Variants in SECISBP2 observed in about 807,000 individuals in gnomAD.
The protein encoded by SECISBP2 is SECIS binding protein 2, also known as selenocysteine insertion sequence-binding protein 2.
SECISBP2 carries 96 observed loss-of-function variants against 98.2 expected under a neutral mutation model. The observed-to-expected ratio is 0.98, with a 90% CI of 0.83 to 1.16. The LOEUF is 1.16. Among genes scored for constraint, SECISBP2 ranks in the 50% most tolerant of loss-of-function variants. The pLI is 0.00. For missense variants in SECISBP2, 1,046 were observed against 1,022.9 expected (o/e 1.02, Z -0.31); for synonymous variants, 407 against 370.2 (o/e 1.10, Z -1.14).
intron 6 of SECISBP2, 52 bp downstream of exon 6, chr9:89,333,038 G>T: frequency 1.3e-6 from 2 of 1,514,638 alleles, no homozygotes; most frequent in Admixed American, 1.7e-5. Context: ...GATTTTTTAA[G>T]TTCATTTTTA....
At chr9:89,337,926 A>C (rs1829034364) in intron 7 of SECISBP2, among the ~76,000 whole-genome samples, 1 of 152,268 alleles carries the variant, frequency 6.6e-6, no homozygotes, top group African/African-American at 2.4e-5. Flanking sequence ...AAGGGGCTTC[A>C]GTGCAAAGGC....
chr9:89,364,151 G>A (rs1270462424), downstream of SECISBP2: 3 of 1,076,276 alleles, frequency 2.8e-6, no homozygotes, highest in Middle Eastern at 3.0e-4. Context: ...CCGTCCTGTG[G>A]ACTTCCTGCT....
intron 14 of SECISBP2, chr9:89,356,428 A>G (rs1832083820): frequency 6.6e-6 from 1 of 152,262 alleles, no homozygotes; most frequent in African/African-American, 2.4e-5. Context: ...ATGCAGGAGC[A>G]TAGGTGCCTT....
intron 13 of SECISBP2, 69 bp from the exon 14 acceptor site, chr9:89,350,563 G>GC: frequency 7.3e-7 from 1 of 1,362,992 alleles, no homozygotes; most frequent in Non-Finnish European, 1.1e-6. Context: ...TCTCCCTGGG[G>GC]TGGGATGGGA....
At chr9:89,320,709 T>A (rs1421601543) in intron 2 of SECISBP2, among the ~76,000 whole-genome samples, 1 of 152,226 alleles carries the variant, frequency 6.6e-6, no homozygotes, top group Non-Finnish European at 1.5e-5. Flanking sequence ...TACATTTTCT[T>A]TTTCCTTCTC....
chr9:89,339,754 A>T (rs561074519), intron 8 of SECISBP2, 110 bp from the exon 9 acceptor site: 24 of 775,282 alleles, frequency 3.1e-5, no homozygotes, highest in East Asian at 8.0e-5. Context: ...TTTTTTTTTT[A>T]AATCACTTTT....
chr9:89,364,343 C>G, downstream of SECISBP2: 1 of 314,284 alleles, frequency 3.2e-6, no homozygotes, highest in South Asian at 3.0e-5. Flanking sequence ...AGAGACATCC[C>G]AAGGCTCTGC....
chr9:89,350,127 G>A (rs1831055054), intron 13 of SECISBP2, among the ~76,000 whole-genome samples, 198 bp downstream of exon 13: 2 of 152,186 alleles, frequency 1.3e-5, no homozygotes, highest in South Asian at 4.1e-4. Context: ...TTCTACTGAG[G>A]TTCTTGTATT....
downstream of SECISBP2, chr9:89,362,541 C>A: frequency 6.3e-7 from 1 of 1,578,998 alleles, no homozygotes. Flanking sequence ...GGCCTCAGCC[C>A]CCTGTTGTGG....
At chr9:89,327,155 C>T (rs1419069140) in intron 4 of SECISBP2, among the ~76,000 whole-genome samples, 1 of 150,796 alleles carries the variant, frequency 6.6e-6, no homozygotes, top group African/African-American at 2.4e-5. Context: ...CAGAGCGAGA[C>T]TCCGTCTCCA....
chr9:89,342,885 G>A (rs1231449627), intron 10 of SECISBP2, among the ~76,000 whole-genome samples: 2 of 152,192 alleles, frequency 1.3e-5, no homozygotes, highest in Non-Finnish European at 2.9e-5. Flanking sequence ...CAGCTGAATT[G>A]TGCACTTAAA....
In SECISBP2 at chr9:89,350,750, C is replaced by A; in HGVS notation, c.2011C>A (p.Arg671Ser). 6.2e-7 allele frequency: 1 copy of A among 1,614,224 alleles called. No individual in the cohort carries two copies. Among genetic ancestry groups the A allele is most frequent in the South Asian group, 1.1e-5 (1 of 91,084 alleles). Residue 671 changes from arginine (R) to serine (S), a missense_variant, in exon 14 of 17, where the codon CGT becomes AGT. Coordinates refer to ENST00000375807, the MANE Select transcript of SECISBP2 (RefSeq NM_024077.5). ...QKDPVKAKTK[R>S]RLVLGLREVL... ...AGATCCAGTCAAGGCCAAGACTAAACGTCGACTTGTGTTGGGGTTGAGGGA... is the reference window on the plus strand; with the variant it reads ...AGATCCAGTCAAGGCCAAGACTAAAAGTCGACTTGTGTTGGGGTTGAGGGA...
rs150281982 is a variant in SECISBP2, at chr9:89,319,714, A to G, written c.99A>G (p.Ala33=). The G allele has an allele frequency of 3.0e-5, 48 of 1,614,046 alleles. No homozygotes were observed. Among genetic ancestry groups the G allele is most frequent in the Non-Finnish European group, 4.1e-5 (48 of 1,180,020 alleles). ...CCAGATTTGCCGGGCTCAATGTGGC[A>G]TGGTTAGAGTCCTCAGAAGCATGTG... ...FVPRFAGLNV[A]WLESSEACVF... The change falls in exon 2 of 17, where the codon GCA becomes GCG. Residue 33 remains alanine (A), a synonymous_variant. Transcript: ENST00000375807.
chr9:89,355,656 G>T, intron 14 of SECISBP2: 2 of 649,024 alleles, frequency 3.1e-6, no homozygotes, highest in Non-Finnish European at 1.9e-6. Flanking sequence ...TTTTTTAGTT[G>T]CATCTAGGTA....
chr9:89,338,222 T>C (rs1441635939), intron 7 of SECISBP2, among the ~76,000 whole-genome samples: 1 of 152,194 alleles, frequency 6.6e-6, no homozygotes, highest in African/African-American at 2.4e-5. Flanking sequence ...TCTGTCCAAA[T>C]CCACCAGTTT....
At chr9:89,337,573 A>G (rs1369689439) in intron 7 of SECISBP2, among the ~76,000 whole-genome samples, 2 of 152,180 alleles carry the variant, frequency 1.3e-5, no homozygotes, top group African/African-American at 4.8e-5. Flanking sequence ...AAATGCGATC[A>G]TTTTATACAC....
intron 6 of SECISBP2, chr9:89,333,950 G>A (rs1283076477): frequency 3.3e-6 from 3 of 896,782 alleles, no homozygotes; most frequent in East Asian, 2.1e-4. Flanking sequence ...TTTACCCTTG[G>A]GGGTAGCCAC....
At chr9:89,322,200 A>G (rs1385431432) in intron 2 of SECISBP2, 7 of 152,278 alleles carry the variant, frequency 4.6e-5, no homozygotes, top group Admixed American at 2.0e-4. Flanking sequence ...TTCCATATTT[A>G]TGTTATAGGA....
chr9:89,325,534 T>G lies in SECISBP2; in HGVS notation c.290T>G (p.Leu97Arg). 1 of 1,613,930 alleles carries G rather than the reference T, an allele frequency of 6.2e-7. No homozygotes were observed. The highest frequency in any genetic ancestry group is 8.5e-7 in the Non-Finnish European group (1 of 1,179,996). ...LHPYAYSPYT[L>R]DSTQNVYSVP... Reference sequence around the variant, plus strand: ...CCATATGCCTATTCTCCTTATACCCTTGACTCCACACAGAATGTTTACTCA... The same window carrying G: ...CCATATGCCTATTCTCCTTATACCCGTGACTCCACACAGAATGTTTACTCA... The change falls in exon 3 of 17, where the codon CTT (leucine) becomes CGT (arginine). Residue 97 changes from leucine (L) to arginine (R), a missense_variant. Physicochemically the swap from Leu to Arg is moderately radical, Grantham distance 102 (BLOSUM62 -2). Transcript: ENST00000375807.
Sources: gnomAD v4.1 joint callset for allele counts (sites outside exome capture counted in the v4.1 genomes callset) on GRCh38, gnomAD v4.1.1 for gene constraint, MANE v1.5 for transcripts, NCBI Gene and HGNC (gene_info 2026-07-23, HGNC 2026-07-21) for gene names.